Variants in HAPSTR1 observed in about 807,000 individuals in gnomAD.
HAPSTR1 encodes HUWE1-associated protein modifying stress responses 1.
chr16:9,118,929 C>T, the HAPSTR1 span: 1 of 152,566 alleles, frequency 6.6e-6, no homozygotes, highest in African/African-American at 2.4e-5. Flanking sequence ...AGTTGGTGCT[C>T]TGAAGCTTAA....
chr16:9,113,031 T>C, the HAPSTR1 span: 1 of 150,906 alleles, frequency 6.6e-6, no homozygotes, highest in African/African-American at 2.5e-5. Context: ...TTTTTTGTTT[T>C]TTTTTGTTTT....
chr16:9,092,727 C>T, the HAPSTR1 span, among the ~76,000 whole-genome samples: 2 of 152,152 alleles, frequency 1.3e-5, no homozygotes, highest in Non-Finnish European at 2.9e-5. Flanking sequence ...CCCTTTTCCC[C>T]GCCGCGACCT....
the HAPSTR1 span, among the ~76,000 whole-genome samples, chr16:9,102,745 T>G: frequency 6.6e-6 from 1 of 152,226 alleles, no homozygotes; most frequent in Non-Finnish European, 1.5e-5. Flanking sequence ...TAAATTTTTT[T>G]TTTTAACAAG....
At chr16:9,096,316 G>A in the HAPSTR1 span, among the ~76,000 whole-genome samples, 2 of 152,114 alleles carry the variant, frequency 1.3e-5, no homozygotes, top group Non-Finnish European at 2.9e-5. Flanking sequence ...ATGAAGGGAA[G>A]TAATAATAGT....
chr16:9,103,036 T>C, the HAPSTR1 span: 1 of 1,614,222 alleles, frequency 6.2e-7, no homozygotes, highest in Non-Finnish European at 8.5e-7. Context: ...AGATTGGCTA[T>C]CAGCGACGCA....
the HAPSTR1 span, chr16:9,118,619 C>T: frequency 6.6e-6 from 1 of 152,346 alleles, no homozygotes. Context: ...ACTATAATAG[C>T]AGGAAGAATT....
chr16:9,112,458 C>G, the HAPSTR1 span: 2 of 152,274 alleles, frequency 1.3e-5, no homozygotes, highest in Non-Finnish European at 2.9e-5. Context: ...TTCTCACCTC[C>G]AGGGCTAGCT....
the HAPSTR1 span, among the ~76,000 whole-genome samples, chr16:9,114,286 G>T: frequency 6.6e-6 from 1 of 152,202 alleles, no homozygotes. Flanking sequence ...AGGGGTTGAG[G>T]ATATCACCCA....
At chr16:9,099,471 G>C in the HAPSTR1 span, among the ~76,000 whole-genome samples, 2 of 152,180 alleles carry the variant, frequency 1.3e-5, no homozygotes, top group Non-Finnish European at 2.9e-5. Flanking sequence ...GGGATTACAC[G>C]GATGAGCCAC....
the HAPSTR1 span, chr16:9,092,189 G>A: frequency 1.3e-6 from 2 of 1,582,020 alleles, no homozygotes; most frequent in Non-Finnish European, 1.7e-6. Context: ...GGCGGCGGCC[G>A]CCGCGCAGCC....
chr16:9,103,094 C>A, the HAPSTR1 span: 4 of 1,614,002 alleles, frequency 2.5e-6, no homozygotes, highest in Non-Finnish European at 2.5e-6. Flanking sequence ...AACTATTCGT[C>A]GAGAAGATTT....
the HAPSTR1 span, chr16:9,113,260 G>A: frequency 6.6e-6 from 1 of 152,190 alleles, no homozygotes; most frequent in East Asian, 1.9e-4. Context: ...GGCAGACTTT[G>A]AAAATATTTT....
chr16:9,112,943 C>T, the HAPSTR1 span: 1 of 151,370 alleles, frequency 6.6e-6, no homozygotes, highest in South Asian at 2.1e-4. Flanking sequence ...ACTCTCATAG[C>T]CCTTTTGAAA....
At chr16:9,092,328 C>G in the HAPSTR1 span, 19 of 1,299,558 alleles carry the variant, frequency 1.5e-5, no homozygotes, top group African/African-American at 2.5e-4. Context: ...GGCCCGGCCC[C>G]GGCCCTATCG....
chr16:9,099,348 C>A, the HAPSTR1 span, among the ~76,000 whole-genome samples: 1 of 152,076 alleles, frequency 6.6e-6, no homozygotes, highest in Non-Finnish European at 1.5e-5. Flanking sequence ...GAGGTGCCTG[C>A]CACCATGCCT....
At chr16:9,092,144 C>A in the HAPSTR1 span, 85 of 1,558,610 alleles carry the variant, frequency 5.5e-5, no homozygotes, top group Non-Finnish European at 7.0e-5. Flanking sequence ...CGAGGCCGAA[C>A]AGGACGAGCA....
At chr16:9,096,388 T>C in the HAPSTR1 span, among the ~76,000 whole-genome samples, 3 of 148,002 alleles carry the variant, frequency 2.0e-5, no homozygotes, top group East Asian at 1.9e-4. Flanking sequence ...TGTATTTCCT[T>C]CTTCATCTTC....
At chr16:9,102,974 T>C in the HAPSTR1 span, 2 of 1,610,018 alleles carry the variant, frequency 1.2e-6, no homozygotes, top group Non-Finnish European at 1.7e-6. Context: ...TTTTTCTTTT[T>C]TTCTAACAGA....
chr16:9,111,779 T>C, the HAPSTR1 span: 6 of 152,378 alleles, frequency 3.9e-5, no homozygotes, highest in South Asian at 1.2e-3. Context: ...AAGTAAAAAA[T>C]TAATATCTTG....
Sources: allele counts gnomAD v4.1 joint callset (sites outside exome capture counted in the v4.1 genomes callset), GRCh38; gene constraint gnomAD v4.1.1; transcripts MANE v1.5; gene names NCBI Gene and HGNC (gene_info 2026-07-23, HGNC 2026-07-21).